Variants in CADPS2 observed in about 807,000 individuals in gnomAD.
The protein encoded by CADPS2 is calcium dependent secretion activator 2.
CADPS2 carries 93 observed loss-of-function variants against 172.5 expected under a neutral mutation model. That is an observed-to-expected ratio of 0.54 (90% CI 0.46 to 0.64). CADPS2 has a LOEUF of 0.64. CADPS2 is among the 30% of genes least tolerant of loss of function. The pLI is 0.00. For synonymous variants in CADPS2, 546 were observed against 555.2 expected (o/e 0.98, Z 0.23); for missense variants, 1,420 against 1,565.9 (o/e 0.91, Z 1.57).
chr7:122,337,912 T>C (rs1216961813), intron 28 of CADPS2, among the ~76,000 whole-genome samples: 1 of 152,180 alleles, frequency 6.6e-6, no homozygotes, highest in African/African-American at 2.4e-5. Flanking sequence ...AGCAGGATTA[T>C]ATACAATGAA....
intron 6 of CADPS2, among the ~76,000 whole-genome samples, chr7:122,594,414 T>C (rs2071416891): frequency 6.6e-6 from 1 of 152,026 alleles, no homozygotes; most frequent in Non-Finnish European, 1.5e-5. Flanking sequence ...CTGCCTTCTC[T>C]TCCTTATTGT....
At chr7:122,861,578 CAGA>C (rs536302222) in intron 1 of CADPS2, among the ~76,000 whole-genome samples, 36 of 152,278 alleles carry the variant, frequency 2.4e-4, no homozygotes, top group Admixed American at 1.8e-3. Context: ...CTTTGCTGTG[CAGA>C]AGCTTTTTAG....
chr7:122,631,568 C>G (rs1042627076), intron 3 of CADPS2, among the ~76,000 whole-genome samples: 1 of 152,036 alleles, frequency 6.6e-6, no homozygotes, highest in African/African-American at 2.4e-5. Flanking sequence ...CATAAGCCAC[C>G]GCACCTGGTC....
In CADPS2 at chr7:122,471,511, A is replaced by G; in HGVS notation, c.2050T>C (p.Tyr684His). ...TGTCTGTGACAGCCTCTCACACCAT[A>G]ACGGGCACAGTACTCATCTAACACA... ...VFVLDEYCAR[Y>H]GVRGCHRHLC... Residue 684 changes from tyrosine to histidine, a missense_variant, in exon 14 of 30, where the codon TAT becomes CAT. Coordinates refer to ENST00000449022, the MANE Select transcript of CADPS2 (RefSeq NM_017954.11). The G allele has an allele frequency of 2.5e-6, 4 of 1,611,500 alleles. No homozygotes were observed. Among genetic ancestry groups the G allele is most frequent in the Non-Finnish European group, 2.5e-6 (3 of 1,178,738 alleles).
intron 2 of CADPS2, among the ~76,000 whole-genome samples, chr7:122,677,476 G>C (rs2135717385): frequency 6.6e-6 from 1 of 152,310 alleles, no homozygotes; most frequent in South Asian, 2.1e-4. Context: ...GGCCTGGAAA[G>C]TGCTCTGGTC....
At chr7:122,576,756 G>A (rs931190946) in intron 7 of CADPS2, among the ~76,000 whole-genome samples, 1 of 151,366 alleles carries the variant, frequency 6.6e-6, no homozygotes, top group Admixed American at 6.6e-5. Flanking sequence ...GATAGTCAGT[G>A]GGTCTCAGGA....
Position 122,687,257 on chromosome 7 carries a change from T to A in CADPS2, c.454-23688A>T, listed in dbSNP as rs369055214. Among the ~76,000 whole-genome samples the A allele has an allele frequency of 4.6e-5, 7 of 152,136 alleles. No individual in the cohort carries two copies. The East Asian group carries it at 5.8e-4, about 13-fold the overall frequency. On this transcript the variant is annotated intron_variant, in intron 2 of 29. Transcript: ENST00000449022. ...CCTCACACAACTCCTTTTTCTTTCCTAATTATGTTGAGATCACGTAAGGTA... is the reference window on the plus strand; with the variant it reads ...CCTCACACAACTCCTTTTTCTTTCCAAATTATGTTGAGATCACGTAAGGTA...
At chr7:122,683,928 C>T (rs907567538) in intron 2 of CADPS2, among the ~76,000 whole-genome samples, 3 of 151,988 alleles carry the variant, frequency 2.0e-5, no homozygotes, top group African/African-American at 4.8e-5. Context: ...TGTGTGTGAG[C>T]GTGCCCTGTG....
intron 1 of CADPS2, among the ~76,000 whole-genome samples, chr7:122,784,630 G>A (rs1793596458): frequency 6.6e-6 from 1 of 152,166 alleles, no homozygotes; most frequent in Non-Finnish European, 1.5e-5. Flanking sequence ...GTAGTGTGTG[G>A]ATGCCCCATC....
chr7:122,811,668 G>T (rs1032701936), intron 1 of CADPS2, among the ~76,000 whole-genome samples: 1 of 151,798 alleles, frequency 6.6e-6, no homozygotes, highest in Non-Finnish European at 1.5e-5. Flanking sequence ...ACAAAAAAAG[G>T]GACGACAGAC....
chr7:122,545,104 C>G (rs2063492125), intron 8 of CADPS2, among the ~76,000 whole-genome samples: 1 of 152,248 alleles, frequency 6.6e-6, no homozygotes, highest in African/African-American at 2.4e-5. Context: ...ATTCCAGATT[C>G]TCTTGTGCAG....
chr7:122,352,331 A>C (rs1373150993), intron 27 of CADPS2, among the ~76,000 whole-genome samples: 2 of 152,206 alleles, frequency 1.3e-5, no homozygotes, highest in Non-Finnish European at 2.9e-5. Context: ...AAGAAGTAAA[A>C]TTAAAATGCT....
chr7:122,840,236 A>T (rs1182752939), intron 1 of CADPS2, among the ~76,000 whole-genome samples: 2 of 152,142 alleles, frequency 1.3e-5, no homozygotes, highest in African/African-American at 4.8e-5. Flanking sequence ...CAGTGAGAAC[A>T]CTTGGACACA....
chr7:122,451,343 G>C, intron 15 of CADPS2, 31 bp downstream of exon 15: 1 of 1,157,488 alleles, frequency 8.6e-7, no homozygotes, highest in Non-Finnish European at 1.2e-6. Context: ...AGTATGAAAA[G>C]AAATATTTAT....
At chr7:122,710,805 A>G (rs938018743) in intron 2 of CADPS2, among the ~76,000 whole-genome samples, 1 of 152,164 alleles carries the variant, frequency 6.6e-6, no homozygotes, top group South Asian at 2.1e-4. Context: ...GCCTTATATT[A>G]TATATAATTA....
chr7:122,853,702 T>C (rs903012299), intron 1 of CADPS2, among the ~76,000 whole-genome samples: 4 of 152,208 alleles, frequency 2.6e-5, no homozygotes, highest in Non-Finnish European at 5.9e-5. Context: ...CTTGAAGATA[T>C]GCATACATTG....
At chr7:122,533,444 C>T (rs568645585) in intron 8 of CADPS2, among the ~76,000 whole-genome samples, 2 of 152,174 alleles carry the variant, frequency 1.3e-5, no homozygotes, top group East Asian at 1.9e-4. Context: ...TAAATGTACA[C>T]CCATGGTCTT....
At chr7:122,711,776 C>T (rs1446579467) in intron 2 of CADPS2, among the ~76,000 whole-genome samples, 1 of 152,088 alleles carries the variant, frequency 6.6e-6, no homozygotes. Context: ...CCTCAGCCCC[C>T]TGAATAGCTG....
intron 22 of CADPS2, among the ~76,000 whole-genome samples, chr7:122,392,028 A>T (rs2151480688): frequency 6.6e-6 from 1 of 152,216 alleles, no homozygotes; most frequent in East Asian, 1.9e-4. Flanking sequence ...GGTTGTTATA[A>T]AGATTAAATG....
Sources: allele counts gnomAD v4.1 joint callset (sites outside exome capture counted in the v4.1 genomes callset), GRCh38; gene constraint gnomAD v4.1.1; transcripts MANE v1.5; gene names NCBI Gene and HGNC (gene_info 2026-07-23, HGNC 2026-07-21).